The following HSPA12A variants were observed in gnomAD, a reference collection of about 807,000 sequenced individuals.
HSPA12A encodes heat shock protein family A (Hsp70) member 12A.
A neutral mutation model predicts 69.2 loss-of-function variants in HSPA12A; 28 were observed. The observed-to-expected ratio is 0.40, with a 90% CI of 0.30 to 0.55. The LOEUF (loss-of-function observed/expected upper bound fraction) is 0.55, where lower values mean the gene tolerates loss of function less well. Among genes scored for constraint, HSPA12A ranks in the 20% least tolerant of loss-of-function variants. The pLI, the probability that HSPA12A is intolerant of heterozygous loss-of-function variation, is 0.38. For synonymous variants in HSPA12A, 345 were observed against 370.5 expected (o/e 0.93, Z 0.79); for missense variants, 686 against 900.7 (o/e 0.76, Z 3.05).
upstream of HSPA12A, chr10:116,742,602 G>C (rs1851552251): frequency 4.6e-6 from 5 of 1,089,260 alleles, no homozygotes; most frequent in Non-Finnish European, 4.5e-6. Flanking sequence ...CTCTGACGCG[G>C]CAGCCGCCGC....
At chr10:116,750,129 T>C (rs1851740974) in intron 2 of HSPA12A, 1 of 565,446 alleles carries the variant, frequency 1.8e-6, no homozygotes, top group Admixed American at 2.4e-5. Flanking sequence ...ATAATGTGTG[T>C]ACCTTATGCT....
chr10:116,686,514 G>T lies in HSPA12A; in HGVS notation c.664-2552C>A, dbSNP rs1421399190. On this transcript the variant is annotated intron_variant, in intron 6 of 11. Transcript: ENST00000369209. The surrounding 1 kb of genome is among the most constrained non-coding windows in gnomAD (Gnocchi z 4.1). ...ACTGGGGATGGCAGTAGACCCATGA[G>T]TGGAGCCCAAGGAGTTGGTGTGAAG... Among the ~76,000 whole-genome samples the T allele has an allele frequency of 6.6e-6, 1 of 152,222 alleles. No individual in the cohort carries two copies. The highest frequency in any genetic ancestry group is 1.5e-5 in the Non-Finnish European group (1 of 68,038).
At chr10:116,681,422 A>G (rs1441501908) in intron 8 of HSPA12A, among the ~76,000 whole-genome samples, 166 bp from the exon 9 acceptor site, 4 of 152,222 alleles carry the variant, frequency 2.6e-5, no homozygotes, top group African/African-American at 9.6e-5. Flanking sequence ...ACCAAAGAGA[A>G]TGCAATCTGC....
rs1225175508 is a variant in HSPA12A at position 116,689,803 on chromosome 10, A to G, written c.663+2548T>C. Among the ~76,000 whole-genome samples, 442 of 84,986 alleles carry G rather than the reference A, an allele frequency of 5.2e-3. 3 individuals are homozygous for G. Among genetic ancestry groups the G allele is most frequent in the African/African-American group, 0.014 (423 of 29,918 alleles). The allele number at this position is 84,986 out of a possible 152,430, so 55.8% of individuals were successfully genotyped here. A position where few individuals can be genotyped will look rare whatever the true frequency, so the allele number is the denominator to read the frequency against. On this transcript the variant is annotated intron_variant, in intron 6 of 11. Coordinates refer to ENST00000369209, the MANE Select transcript of HSPA12A (RefSeq NM_025015.3). ...AGTTTGAGTCCAAAGGCAGGGGAAAAAAAAAAAAAAAAACAATGACCCAGC... is the reference window on the plus strand; with the variant it reads ...AGTTTGAGTCCAAAGGCAGGGGAAAGAAAAAAAAAAAAACAATGACCCAGC...
chr10:116,753,242 C>A (rs1272389955), intron 2 of HSPA12A, among the ~76,000 whole-genome samples: 3 of 151,992 alleles, frequency 2.0e-5, no homozygotes, highest in Non-Finnish European at 4.4e-5. Flanking sequence ...ATGGTCAGGG[C>A]AAGGCCTGCG....
chr10:116,741,806 C>A (rs1851517321), intron 1 of HSPA12A, among the ~76,000 whole-genome samples: 1 of 152,218 alleles, frequency 6.6e-6, no homozygotes, highest in Admixed American at 6.5e-5. Context: ...GACCATCGAA[C>A]CCCCGCCGCT....
chr10:116,795,629 T>G (rs1844802776), intron 2 of HSPA12A, among the ~76,000 whole-genome samples: 2 of 143,714 alleles, frequency 1.4e-5, no homozygotes, highest in African/African-American at 5.4e-5. Flanking sequence ...GAGGTTGCAA[T>G]GAGCCGAGAT....
chr10:116,706,671 G>C (rs1005796123), intron 2 of HSPA12A, among the ~76,000 whole-genome samples: 1 of 152,246 alleles, frequency 6.6e-6, no homozygotes, highest in South Asian at 2.1e-4. Flanking sequence ...CTCATACAGG[G>C]CAGGGTGGGA....
intron 1 of HSPA12A, 30 bp downstream of exon 1, chr10:116,742,400 G>T: frequency 7.0e-7 from 1 of 1,431,050 alleles, no homozygotes; most frequent in Admixed American, 2.6e-5. Context: ...CCCGCCAGCC[G>T]CGGCCGCAGG....
At chr10:116,832,545 C>T (rs564795962) in intron 2 of HSPA12A, 7 of 152,198 alleles carry the variant, frequency 4.6e-5, no homozygotes, top group Non-Finnish European at 8.8e-5. Context: ...GTTTTGAATA[C>T]CTCTAGATCA....
At chr10:116,849,751 G>C (rs775298055), upstream of HSPA12A, 24 of 1,487,954 alleles carry the variant, frequency 1.6e-5, no homozygotes, top group Non-Finnish European at 2.2e-5. Context: ...TGGGACAAGC[G>C]CTCTCCTCCC....
chr10:116,740,961 T>TAAAAAAAA (rs5788190), intron 1 of HSPA12A, among the ~76,000 whole-genome samples: 4 of 84,708 alleles, frequency 4.7e-5, no homozygotes, highest in South Asian at 4.8e-4. Context: ...AGGAAAAAAG[T>TAAAAAAAA]AAAAAAAAAA....
At chr10:116,772,499 GC>G (rs1844234808) in intron 2 of HSPA12A, among the ~76,000 whole-genome samples, 1 of 152,122 alleles carries the variant, frequency 6.6e-6, no homozygotes, top group Non-Finnish European at 1.5e-5. Flanking sequence ...ATTTGTAACA[GC>G]CCTTTTGCAG....
chr10:116,813,745 A>G (rs1425123617), intron 2 of HSPA12A, among the ~76,000 whole-genome samples: 2 of 152,074 alleles, frequency 1.3e-5, no homozygotes, highest in Admixed American at 6.5e-5. Flanking sequence ...ATAGCTGGGC[A>G]TGGTGATGAG....
At chr10:116,740,697 C>CGT (rs1182877230) in intron 1 of HSPA12A, among the ~76,000 whole-genome samples, 4 of 86,510 alleles carry the variant, frequency 4.6e-5, no homozygotes, top group African/African-American at 1.9e-4. Flanking sequence ...TGTGTGTGTG[C>CGT]GTGTGTGTGT....
chr10:116,755,084 G>A (rs1314004178), intron 2 of HSPA12A, among the ~76,000 whole-genome samples: 1 of 152,082 alleles, frequency 6.6e-6, no homozygotes, highest in African/African-American at 2.4e-5. Flanking sequence ...CTCTAGAGTA[G>A]CTGGGATTAC....
At chr10:116,696,771 A>G (rs3010478) in intron 5 of HSPA12A, among the ~76,000 whole-genome samples, 81,717 of 151,814 alleles carry the variant, frequency 0.54, 22,384 homozygotes, top group Middle Eastern at 0.64. Context: ...GCTTTATCCC[A>G]CAGCCTTACC....
At chr10:116,722,875 C>T (rs1850823747) in intron 1 of HSPA12A, among the ~76,000 whole-genome samples, 1 of 152,174 alleles carries the variant, frequency 6.6e-6, no homozygotes, top group Non-Finnish European at 1.5e-5. Flanking sequence ...GACAGACTGA[C>T]ATCCCTGAAG....
intron 1 of HSPA12A, chr10:116,835,093 A>C: frequency 2.0e-6 from 2 of 990,802 alleles, no homozygotes; most frequent in Non-Finnish European, 2.6e-6. Flanking sequence ...TAAGTCGCGT[A>C]CTCGTGCTGG....
Sources: gnomAD v4.1 joint callset for allele counts (sites outside exome capture counted in the v4.1 genomes callset) on GRCh38, gnomAD v4.1.1 for gene constraint, Gnocchi (gnomAD v3.1) non-coding constraint, MANE v1.5 for transcripts, NCBI Gene and HGNC (gene_info 2026-07-23, HGNC 2026-07-21) for gene names.